IGSF21: variants seen among roughly 807,000 people sequenced by gnomAD.
IGSF21 encodes the protein immunoglobin superfamily member 21, also known as immunoglobulin superfamily member 21.
Under a neutral mutation model 46.8 loss-of-function variants are expected in IGSF21, and 28 were observed. The observed-to-expected ratio is 0.60, with a 90% confidence interval of 0.44 to 0.82. The LOEUF is 0.82. Among genes scored for constraint, IGSF21 ranks in the 40% least tolerant of loss-of-function variants. The pLI, the probability that IGSF21 is intolerant of heterozygous loss-of-function variation, is 0.00. For synonymous variants in IGSF21, 284 were observed against 273.6 expected (o/e 1.04, Z -0.38); for missense variants, 624 against 665.5 (o/e 0.94, Z 0.69).
At chr1:18,240,410 T>C (rs1291066580) in intron 2 of IGSF21, among the ~76,000 whole-genome samples, 1 of 152,236 alleles carries the variant, frequency 6.6e-6, no homozygotes, top group Non-Finnish European at 1.5e-5. Flanking sequence ...TTCTTTCAAA[T>C]TGTGGTCACC....
intron 1 of IGSF21, among the ~76,000 whole-genome samples, chr1:18,168,572 C>T (rs565610076): frequency 1.6e-4 from 24 of 152,212 alleles, no homozygotes; most frequent in Non-Finnish European, 2.5e-4. Flanking sequence ...CCAGGAGACC[C>T]TGTCACTTTA....
intron 1 of IGSF21, among the ~76,000 whole-genome samples, chr1:18,221,989 A>T (rs2084515174): frequency 6.6e-6 from 1 of 152,072 alleles, no homozygotes; most frequent in Non-Finnish European, 1.5e-5. Flanking sequence ...CAGATGAGGA[A>T]ACTGAGGCCC....
intron 2 of IGSF21, among the ~76,000 whole-genome samples, chr1:18,246,657 C>T (rs1190745470): frequency 2.0e-5 from 3 of 152,164 alleles, no homozygotes; most frequent in African/African-American, 7.2e-5. Context: ...AAACTCCATG[C>T]TTGGGACATC....
intron 6 of IGSF21, among the ~76,000 whole-genome samples, chr1:18,374,285 A>T (rs1282602907): frequency 6.6e-6 from 1 of 152,204 alleles, no homozygotes; most frequent in Non-Finnish European, 1.5e-5. Flanking sequence ...ACAATCTCAA[A>T]GGCTGGAAGG....
chr1:18,219,316 T>A (rs1338634782), intron 1 of IGSF21, among the ~76,000 whole-genome samples: 1 of 152,014 alleles, frequency 6.6e-6, no homozygotes, highest in East Asian at 1.9e-4. Flanking sequence ...TTCTGGAAGG[T>A]GGGAGCAGCA....
intron 4 of IGSF21, among the ~76,000 whole-genome samples, chr1:18,347,442 G>A (rs1256538350): frequency 6.6e-6 from 1 of 152,180 alleles, no homozygotes; most frequent in Non-Finnish European, 1.5e-5. Context: ...AAAACAGAGG[G>A]ACATCCACCT....
Position 18,290,419 on chromosome 1 carries a change from C to T in IGSF21, c.184-1447C>T, listed in dbSNP as rs1177239568. 1.3e-5 allele frequency among the ~76,000 whole-genome samples: 2 copies of T among 152,156 alleles called. No individual in the cohort carries two copies. The highest frequency in any genetic ancestry group is 2.4e-5 in the African/African-American group (1 of 41,438). ...AGAAGCCGTGCCCTGGGAAGTCTCA[C>T]TGCCGCTTCCTCTCAGGGTCCCAGA... On this transcript the variant is annotated intron_variant, in intron 2 of 9. Transcript: ENST00000251296. The surrounding 1 kb of genome is among the most constrained non-coding windows in gnomAD (Gnocchi z 4.2).
chr1:18,150,404 A>G (rs983186253), intron 1 of IGSF21, among the ~76,000 whole-genome samples: 8 of 127,218 alleles, frequency 6.3e-5, no homozygotes, highest in African/African-American at 2.4e-4. Flanking sequence ...GGTGCTTGGC[A>G]TGGCGGGGGG....
chr1:18,231,359 G>A (rs1364771855), intron 2 of IGSF21, among the ~76,000 whole-genome samples: 1 of 152,202 alleles, frequency 6.6e-6, no homozygotes, highest in South Asian at 2.1e-4. Context: ...ACCTCTGGCT[G>A]GATATTTGGG....
At chr1:18,305,577 T>TG (rs57942807) in intron 3 of IGSF21, among the ~76,000 whole-genome samples, 3 of 70,218 alleles carry the variant, frequency 4.3e-5, no homozygotes, top group Non-Finnish European at 3.7e-5. Flanking sequence ...GATGGATGGA[T>TG]TATGGATGGA....
chr1:18,222,497 G>A (rs977644767), intron 1 of IGSF21, among the ~76,000 whole-genome samples: 1 of 152,188 alleles, frequency 6.6e-6, no homozygotes, highest in African/African-American at 2.4e-5. Flanking sequence ...GATCCAGGAT[G>A]TCCTGTTTGG....
intron 3 of IGSF21, among the ~76,000 whole-genome samples, chr1:18,318,231 C>T (rs537506517): frequency 6.6e-6 from 1 of 152,148 alleles, no homozygotes; most frequent in Non-Finnish European, 1.5e-5. Flanking sequence ...CCCTGGCCCC[C>T]CGTCCCAAAT....
At chr1:18,239,386 T>G (rs748477807) in intron 2 of IGSF21, among the ~76,000 whole-genome samples, 1 of 152,150 alleles carries the variant, frequency 6.6e-6, no homozygotes, top group Non-Finnish European at 1.5e-5. Context: ...AGTCTTCCCG[T>G]TGCAGACAGG....
chr1:18,264,328 G>A (rs764874931), intron 2 of IGSF21, among the ~76,000 whole-genome samples: 2 of 152,136 alleles, frequency 1.3e-5, no homozygotes, highest in East Asian at 1.9e-4. Flanking sequence ...TAAATTAAAT[G>A]AGATAATATA....
At chr1:18,142,517 C>T (rs1005443803) in intron 1 of IGSF21, among the ~76,000 whole-genome samples, 3 of 152,190 alleles carry the variant, frequency 2.0e-5, no homozygotes, top group Non-Finnish European at 4.4e-5. Context: ...AGGAAGTCTT[C>T]CCTGGCCCTC....
intron 1 of IGSF21, among the ~76,000 whole-genome samples, chr1:18,138,048 C>A (rs962313215): frequency 6.6e-6 from 1 of 152,048 alleles, no homozygotes; most frequent in Non-Finnish European, 1.5e-5. Flanking sequence ...TTTGGCCCAC[C>A]GTGTCCCCAG....
At position 18,291,899 on chromosome 1, in the gene IGSF21, T is replaced by C; in HGVS notation, c.217T>C (p.Phe73Leu). ...TGGTGGCACCATCAAGCAAAAGATC[T>C]TCACCTTCGACGCCATGTTCTCCAC... is the stretch of plus-strand genomic sequence containing the variant. The part of the protein sequence containing the change: ...TDGGTIKQKI[F>L]TFDAMFSTNY... The change falls in exon 3 of 10, where the codon TTC becomes CTC. Residue 73 changes from phenylalanine (F) to leucine (L), a missense_variant. Phe to Leu is a conservative substitution (Grantham distance 22, BLOSUM62 0). Transcript: ENST00000251296. 1 of 1,614,108 alleles carries C rather than the reference T, an allele frequency of 6.2e-7. No homozygotes were observed. Among genetic ancestry groups the C allele is most frequent in the Non-Finnish European group, 8.5e-7 (1 of 1,180,002 alleles).
At chr1:18,242,099 A>G (rs2084736288) in intron 2 of IGSF21, among the ~76,000 whole-genome samples, 1 of 151,956 alleles carries the variant, frequency 6.6e-6, no homozygotes, top group African/African-American at 2.4e-5. Context: ...GTGCTGCGGC[A>G]CAGATCCACA....
chr1:18,364,475 T>G (rs113904237), intron 5 of IGSF21, among the ~76,000 whole-genome samples: 3,286 of 144,078 alleles, frequency 0.023, 111 homozygotes, highest in African/African-American at 0.078. Context: ...GAGAGCTGCA[T>G]CCCACTCTTC....
Sources: allele counts gnomAD v4.1 joint callset (sites outside exome capture counted in the v4.1 genomes callset), GRCh38; gene constraint gnomAD v4.1.1; non-coding constraint Gnocchi (gnomAD v3.1); transcripts MANE v1.5; gene names NCBI Gene and HGNC (gene_info 2026-07-23, HGNC 2026-07-21).